PRKCE: variants seen among roughly 807,000 people sequenced by gnomAD.
The protein encoded by PRKCE is protein kinase C epsilon type.
Under a neutral mutation model 85.4 loss-of-function variants are expected in PRKCE, and 16 were observed. The observed-to-expected ratio is 0.19, with a 90% CI of 0.13 to 0.28. The LOEUF is 0.28. Among genes scored for constraint, PRKCE ranks in the 10% least tolerant of loss-of-function variants. The probability of loss-of-function intolerance (pLI) is 1.00; values close to 1 mark genes in which losing one functional copy is unlikely to be tolerated. For synonymous variants in PRKCE, 388 were observed against 371.5 expected (o/e 1.04, Z -0.51); for missense variants, 573 against 975.2 (o/e 0.59, Z 5.49).
chr2:45,660,536 G>C (rs1354561274), intron 1 of PRKCE, among the ~76,000 whole-genome samples: 1 of 152,150 alleles, frequency 6.6e-6, no homozygotes, highest in Non-Finnish European at 1.5e-5. Context: ...CAGGGCTTTA[G>C]ATACAAAACC....
chr2:46,140,173 C>T (rs181980126), intron 11 of PRKCE, among the ~76,000 whole-genome samples: 3 of 152,106 alleles, frequency 2.0e-5, no homozygotes, highest in African/African-American at 7.2e-5. Flanking sequence ...AAAGACATCA[C>T]CAGGATTGTT....
rs945607546 is a variant in PRKCE, at chr2:46,121,769, G to A, written c.1593-23324G>A. Among the ~76,000 whole-genome samples the A allele has an allele frequency of 6.6e-5, 10 of 152,122 alleles. No homozygotes were observed. The South Asian group carries it at 1.2e-3, about 19-fold the overall frequency. ...CCTAAATGCATACCTGCAGGGCCTC[G>A]TACACCTAAACATGTACTAAACTGA... On this transcript the variant is annotated intron_variant, in intron 11 of 14. Coordinates refer to ENST00000306156, the MANE Select transcript of PRKCE (RefSeq NM_005400.3).
chr2:45,811,063 T>C (rs1195010344), intron 1 of PRKCE, among the ~76,000 whole-genome samples: 1 of 152,214 alleles, frequency 6.6e-6, no homozygotes, highest in Non-Finnish European at 1.5e-5. Flanking sequence ...TTGTATCCTA[T>C]GGCGAGATTT....
At chr2:45,656,848 C>A (rs1323887509) in intron 1 of PRKCE, among the ~76,000 whole-genome samples, 1 of 152,162 alleles carries the variant, frequency 6.6e-6, no homozygotes, top group Non-Finnish European at 1.5e-5. Flanking sequence ...ATGGATCAAG[C>A]ATTTTTACAT....
intron 1 of PRKCE, among the ~76,000 whole-genome samples, chr2:45,730,895 A>G (rs1326941114): frequency 2.6e-5 from 4 of 152,226 alleles, no homozygotes; most frequent in Non-Finnish European, 5.9e-5. Flanking sequence ...GAGTGCTGTT[A>G]TTTGTAAAAC....
chr2:45,994,267 G>A (rs978866316), intron 6 of PRKCE, among the ~76,000 whole-genome samples: 2 of 151,978 alleles, frequency 1.3e-5, no homozygotes, highest in East Asian at 3.8e-4. Context: ...ATTTGTTAAC[G>A]GTCAGTGAAC....
At chr2:46,016,727 G>A (rs990792945) in intron 10 of PRKCE, among the ~76,000 whole-genome samples, 20 of 151,918 alleles carry the variant, frequency 1.3e-4, no homozygotes, top group African/African-American at 4.4e-4. Flanking sequence ...TGACCAATTT[G>A]ATGATACCCC....
chr2:45,950,143 A>C (rs777482687), intron 2 of PRKCE, among the ~76,000 whole-genome samples: 3 of 152,220 alleles, frequency 2.0e-5, no homozygotes, highest in African/African-American at 4.8e-5. Flanking sequence ...CTTAGAAAAT[A>C]TGTCTCTAAT....
chr2:46,142,623 G>A (rs1295849485), intron 11 of PRKCE, among the ~76,000 whole-genome samples: 1 of 152,248 alleles, frequency 6.6e-6, no homozygotes, highest in Non-Finnish European at 1.5e-5. Flanking sequence ...ACCATGCTTG[G>A]CTGTGGCAGC....
rs1685589856 is a variant in PRKCE at position 45,774,436 on chromosome 2, C to CA, written c.349-68563dup. 6.6e-6 allele frequency among the ~76,000 whole-genome samples: 1 copy of CA among 152,198 alleles called. No individual in the cohort carries two copies. Among genetic ancestry groups the CA allele is most frequent in the Admixed American group, 6.5e-5 (1 of 15,290 alleles). ...AGGCCTGTACAGGCAAACTCAGCAT[C>CA]AGCACGGCTTTAGAGACCGAGTGCC... On this transcript the variant is annotated intron_variant, in intron 1 of 14. Coordinates refer to ENST00000306156, the MANE Select transcript of PRKCE (RefSeq NM_005400.3). The surrounding 1 kb of genome is among the most constrained non-coding windows in gnomAD (Gnocchi z 4.3).
chr2:45,776,892 A>G (rs966092451), intron 1 of PRKCE, among the ~76,000 whole-genome samples: 1 of 152,208 alleles, frequency 6.6e-6, no homozygotes, highest in Non-Finnish European at 1.5e-5. Context: ...TGATCTGTGT[A>G]TCTTCTCTCA....
intron 10 of PRKCE, among the ~76,000 whole-genome samples, chr2:46,033,630 A>G (rs1164709831): frequency 6.6e-6 from 1 of 152,236 alleles, no homozygotes; most frequent in Non-Finnish European, 1.5e-5. Context: ...TTTAGAATCA[A>G]TCAGCAAATG....
chr2:45,664,687 G>C (rs1247791386), intron 1 of PRKCE, among the ~76,000 whole-genome samples: 1 of 152,210 alleles, frequency 6.6e-6, no homozygotes, highest in Non-Finnish European at 1.5e-5. Flanking sequence ...ACTGGCTTCT[G>C]TCTTAGTCAC....
At chr2:45,920,913 C>G (rs1698203698) in intron 2 of PRKCE, among the ~76,000 whole-genome samples, 1 of 152,160 alleles carries the variant, frequency 6.6e-6, no homozygotes, top group Non-Finnish European at 1.5e-5. Context: ...TAAAGAAAGT[C>G]AACCAAATAA....
chr2:45,683,749 T>A (rs1677079611), intron 1 of PRKCE, among the ~76,000 whole-genome samples: 1 of 152,120 alleles, frequency 6.6e-6, no homozygotes, highest in South Asian at 2.1e-4. Flanking sequence ...TATAACAAGA[T>A]AAACGGTCCC....
intron 11 of PRKCE, among the ~76,000 whole-genome samples, chr2:46,137,248 A>G (rs1235443406): frequency 6.6e-6 from 1 of 152,244 alleles, no homozygotes; most frequent in Admixed American, 6.5e-5. Context: ...ATATAGATTC[A>G]GAACTGCCTC....
At chr2:45,750,855 A>G (rs1447115460) in intron 1 of PRKCE, among the ~76,000 whole-genome samples, 2 of 152,094 alleles carry the variant, frequency 1.3e-5, no homozygotes, top group African/African-American at 4.8e-5. Context: ...CATTCACTGG[A>G]GCAATCATGG....
In PRKCE at chr2:45,774,460, C is replaced by T. The variant is rs1046556037; in HGVS notation, c.349-68540C>T. Among the ~76,000 whole-genome samples, 21 of 152,170 alleles carry T rather than the reference C, an allele frequency of 1.4e-4. No homozygotes were observed. The highest frequency in any genetic ancestry group is 8.8e-5 in the Non-Finnish European group (6 of 68,032). On this transcript the variant is annotated intron_variant, in intron 1 of 14. Transcript: ENST00000306156. The surrounding 1 kb of genome is among the most constrained non-coding windows in gnomAD (Gnocchi z 4.3). Reference sequence around the variant, plus strand: ...TCAGCACGGCTTTAGAGACCGAGTGCCCGCTTTTTCTCTCTTTTTGATAAA... The same window carrying T: ...TCAGCACGGCTTTAGAGACCGAGTGTCCGCTTTTTCTCTCTTTTTGATAAA...
At chr2:45,950,803 A>G (rs988545748) in intron 2 of PRKCE, among the ~76,000 whole-genome samples, 9 of 152,212 alleles carry the variant, frequency 5.9e-5, no homozygotes, top group Admixed American at 3.9e-4. Flanking sequence ...GCTTGGGGAC[A>G]GCAACAGCAG....
Sources: allele counts gnomAD v4.1 joint callset (sites outside exome capture counted in the v4.1 genomes callset), GRCh38; gene constraint gnomAD v4.1.1; non-coding constraint Gnocchi (gnomAD v3.1); transcripts MANE v1.5; gene names NCBI Gene and HGNC (gene_info 2026-07-23, HGNC 2026-07-21).